Variants in NHERF1 observed in about 807,000 individuals in gnomAD.
The protein encoded by NHERF1 is NHERF family PDZ scaffold protein 1.
At chr17:74,754,312 A>C in the NHERF1 span, among the ~76,000 whole-genome samples, 9 of 152,170 alleles carry the variant, frequency 5.9e-5, no homozygotes, top group South Asian at 1.5e-3. Context: ...ACCTGGAAGG[A>C]AACAGGTTTG....
chr17:74,754,399 C>CTTTTT, the NHERF1 span, among the ~76,000 whole-genome samples: 8 of 59,676 alleles, frequency 1.3e-4, no homozygotes, highest in Admixed American at 2.1e-4. Flanking sequence ...TTCTTTCTTT[C>CTTTTT]TTTTTTTTTT....
the NHERF1 span, among the ~76,000 whole-genome samples, chr17:74,765,749 G>A: frequency 3.0e-4 from 45 of 151,662 alleles, no homozygotes; most frequent in Middle Eastern, 0.01. Context: ...ATAGGGTTTC[G>A]CCATGTTGGC....
At chr17:74,761,988 A>G in the NHERF1 span, 21 of 1,613,164 alleles carry the variant, frequency 1.3e-5, no homozygotes, top group Non-Finnish European at 8.5e-7. The surrounding 1 kb of genome is among the most constrained non-coding windows in gnomAD (Gnocchi z 4.3). Context: ...TGGAATAGCC[A>G]TGGACCCTCC....
the NHERF1 span, among the ~76,000 whole-genome samples, chr17:74,761,261 C>T: frequency 2.6e-5 from 4 of 152,222 alleles, no homozygotes; most frequent in East Asian, 1.9e-4. This position sits in a 1 kb window ranked among gnomAD's most constrained non-coding sequence, Gnocchi z 4.3. Flanking sequence ...CATTCAGGCT[C>T]CTCTGTTTCT....
At chr17:74,766,865 A>C in the NHERF1 span, 1 of 1,484,640 alleles carries the variant, frequency 6.7e-7, no homozygotes, top group Non-Finnish European at 9.4e-7. Context: ...GCCCAAACCC[A>C]ACTCCTACCT....
At chr17:74,748,907 C>T in the NHERF1 span, 6 of 1,600,464 alleles carry the variant, frequency 3.7e-6, no homozygotes, top group Non-Finnish European at 4.2e-6. This position sits in a 1 kb window ranked among gnomAD's most constrained non-coding sequence, Gnocchi z 4.3. Context: ...GGAGAAGGGT[C>T]CGAACGGCTA....
the NHERF1 span, among the ~76,000 whole-genome samples, chr17:74,757,746 C>G: frequency 6.6e-6 from 1 of 152,214 alleles, no homozygotes; most frequent in African/African-American, 2.4e-5. Context: ...GACACACACA[C>G]CCCAGCCCCT....
the NHERF1 span, among the ~76,000 whole-genome samples, chr17:74,756,702 A>G: frequency 2.6e-4 from 39 of 152,296 alleles, no homozygotes; most frequent in African/African-American, 8.2e-4. Flanking sequence ...CCCGTCAGCC[A>G]TGTGTACTTG....
the NHERF1 span, chr17:74,763,312 C>G: frequency 6.4e-7 from 1 of 1,559,552 alleles, no homozygotes; most frequent in Non-Finnish European, 8.7e-7. Context: ...CCTCCACTTA[C>G]CTGCCCCAGA....
At chr17:74,763,656 A>C in the NHERF1 span, 1 of 862,408 alleles carries the variant, frequency 1.2e-6, no homozygotes, top group Non-Finnish European at 1.8e-6. Context: ...CTCCTCCTTC[A>C]TGGGAGGCCC....
the NHERF1 span, among the ~76,000 whole-genome samples, chr17:74,753,116 G>C: frequency 2.0e-5 from 3 of 152,208 alleles, no homozygotes; most frequent in African/African-American, 7.2e-5. Flanking sequence ...ATCAGTGTTT[G>C]AATCCCAGCT....
the NHERF1 span, among the ~76,000 whole-genome samples, chr17:74,756,343 A>C: frequency 3.2e-5 from 4 of 124,350 alleles, no homozygotes; most frequent in African/African-American, 1.3e-4. Context: ...CAGTGGCGTG[A>C]TCTCGGCTCA....
chr17:74,768,192 A>G, the NHERF1 span: 1 of 1,613,702 alleles, frequency 6.2e-7, no homozygotes. Context: ...GGAGAGCCCC[A>G]GGCCAGCCCT....
the NHERF1 span, among the ~76,000 whole-genome samples, chr17:74,750,862 C>T: frequency 1.2e-4 from 17 of 143,588 alleles, no homozygotes; most frequent in East Asian, 3.5e-3. Flanking sequence ...GGGAGGCGAA[C>T]GTGGAGGCCT....
the NHERF1 span, chr17:74,769,003 A>AT: frequency 2.7e-6 from 1 of 375,032 alleles, no homozygotes; most frequent in Admixed American, 4.3e-5. Flanking sequence ...CCCCCATGTG[A>AT]TAAATGGGTC....
chr17:74,768,492 A>G, the NHERF1 span: 50 of 1,613,692 alleles, frequency 3.1e-5, no homozygotes, highest in Non-Finnish European at 4.1e-5. Context: ...CAGCCCCCCA[A>G]AACAGGACTC....
chr17:74,768,266 GGGTTACA>G, the NHERF1 span: 1 of 1,550,374 alleles, frequency 6.5e-7, no homozygotes, highest in Non-Finnish European at 8.9e-7. Context: ...GGTGGCAACT[GGGTTACA>G]GGAAGCCGAT....
the NHERF1 span, among the ~76,000 whole-genome samples, chr17:74,757,383 G>A: frequency 2.0e-5 from 3 of 152,116 alleles, no homozygotes; most frequent in Non-Finnish European, 4.4e-5. Context: ...CCTGCCGCCC[G>A]CACAGACCTG....
chr17:74,763,278 G>C, the NHERF1 span: 1 of 1,304,716 alleles, frequency 7.7e-7, no homozygotes, highest in East Asian at 2.4e-5. Context: ...GAGAACCAAG[G>C]TGGTCACCCC....
Sources: allele counts gnomAD v4.1 joint callset (sites outside exome capture counted in the v4.1 genomes callset), GRCh38; gene constraint gnomAD v4.1.1; non-coding constraint Gnocchi (gnomAD v3.1); transcripts MANE v1.5; gene names NCBI Gene and HGNC (gene_info 2026-07-23, HGNC 2026-07-21).